The following SATB2 variants were observed in gnomAD, a reference collection of about 807,000 sequenced individuals.
SATB2 encodes the protein DNA-binding protein SATB2.
Under a neutral mutation model 73.4 loss-of-function variants are expected in SATB2, and 1 was observed. That is an observed-to-expected ratio of 0.01 (90% confidence interval 0.00 to 0.06). The LOEUF (loss-of-function observed/expected upper bound fraction) is 0.06. Ranked by LOEUF, SATB2 falls within the 10% of genes least tolerant of loss-of-function variation. The pLI is 1.00. For synonymous variants in SATB2, 397 were observed against 367.0 expected, an observed-to-expected ratio of 1.08 and a Z score of -0.93; for missense variants, 459 against 945.8, an observed-to-expected ratio of 0.49 and a Z score of 6.75.
intron 9 of SATB2, among the ~76,000 whole-genome samples, chr2:199,319,872 C>T (rs1687837738): frequency 6.6e-6 from 1 of 151,888 alleles, no homozygotes; most frequent in South Asian, 2.1e-4. Context: ...CAATCAGTGT[C>T]TGGGAAATGG....
chr2:199,445,933 GCTTT>G (rs1451904615), intron 2 of SATB2, among the ~76,000 whole-genome samples: 2 of 152,128 alleles, frequency 1.3e-5, no homozygotes, highest in Non-Finnish European at 1.5e-5. Context: ...TTTCTTTAGT[GCTTT>G]CTAATTTCCC....
rs1042543339 is a variant in SATB2 at position 199,397,884 on chromosome 2, A to C, written c.347-16064T>G. The C allele has an allele frequency of 4.4e-5, 13 of 292,298 alleles. No homozygotes were observed. In the Admixed American group the frequency reaches 5.8e-4, roughly 13 times the overall value. 18.1% of individuals were successfully genotyped at this position (292,298 alleles called of 1,614,324 possible). A position where few individuals can be genotyped will look rare whatever the true frequency, so the allele number is the denominator to read the frequency against. ...CTGTCTCAAAAACAAACAAACAAAC[A>C]AAACAGAAAGATATTTGAAAGACAG... On this transcript the variant is annotated intron_variant, in intron 3 of 10. Transcript: ENST00000417098.
chr2:199,365,565 C>T (rs1266020898), intron 6 of SATB2, among the ~76,000 whole-genome samples: 1 of 152,126 alleles, frequency 6.6e-6, no homozygotes, highest in African/African-American at 2.4e-5. Context: ...ATAAAGTTAA[C>T]ATGCTAAGCC....
At chr2:199,335,784 T>C (rs1283897834) in intron 7 of SATB2, among the ~76,000 whole-genome samples, 3 of 152,226 alleles carry the variant, frequency 2.0e-5, no homozygotes, top group Non-Finnish European at 2.9e-5. Flanking sequence ...TTTTGGGTCA[T>C]GCAAACTTCA....
At chr2:199,400,235 C>T (rs1690431122) in intron 3 of SATB2, among the ~76,000 whole-genome samples, 1 of 152,186 alleles carries the variant, frequency 6.6e-6, no homozygotes, top group South Asian at 2.1e-4. Context: ...GCAGGCTACT[C>T]AATAGAGCTC....
chr2:199,454,932 T>C (rs975222506), intron 2 of SATB2, among the ~76,000 whole-genome samples: 1 of 152,138 alleles, frequency 6.6e-6, no homozygotes, highest in Non-Finnish European at 1.5e-5. Flanking sequence ...ACTGTTGAAA[T>C]TATTAGAGAA....
chr2:199,371,105 A>T (rs1461946180), intron 5 of SATB2, among the ~76,000 whole-genome samples: 10 of 152,188 alleles, frequency 6.6e-5, no homozygotes, highest in Admixed American at 6.5e-4. Flanking sequence ...ACTGATAAGA[A>T]TTGTTATAGT....
At chr2:199,470,117 C>A (rs1182425823) in intron 1 of SATB2, 1 of 152,390 alleles carries the variant, frequency 6.6e-6, no homozygotes, top group Non-Finnish European at 1.5e-5. Flanking sequence ...TGGGAAGACA[C>A]CAGTCTCTGT....
At chr2:199,348,436 CAA>C in intron 7 of SATB2, 1 of 465,986 alleles carries the variant, frequency 2.1e-6, no homozygotes, top group Non-Finnish European at 3.9e-6. Context: ...AGTACATACC[CAA>C]GTCATTAGTA....
rs1361297597 is a variant in SATB2, at chr2:199,456,005, C to T, written c.33G>A (p.Arg11=). 5.2e-6 allele frequency: 8 copies of T among 1,544,392 alleles called. No individual in the cohort carries two copies. Among genetic ancestry groups the T allele is most frequent in the Non-Finnish European group, 7.0e-6 (8 of 1,150,122 alleles). Residue 11 remains arginine (R), a synonymous_variant, in exon 2 of 11, where the codon CGG becomes CGA. Coordinates refer to ENST00000417098, the MANE Select transcript of SATB2 (RefSeq NM_001172509.2). Reference sequence around the variant, plus strand: ...TGCCGCTCCGCCGGTCGGGGCTGTCCCGCAGACACGGGCTCTCGCTCCGCC... The same window carrying T: ...TGCCGCTCCGCCGGTCGGGGCTGTCTCGCAGACACGGGCTCTCGCTCCGCC... MERRSESPCL[R]DSPDRRSGSP... is the part of the protein sequence containing the mutation.
chr2:199,425,848 G>T (rs1691310372), intron 3 of SATB2, among the ~76,000 whole-genome samples: 1 of 152,112 alleles, frequency 6.6e-6, no homozygotes, highest in Non-Finnish European at 1.5e-5. Flanking sequence ...TAGTATTTCA[G>T]GTTTCACTGT....
At position 199,327,487 on chromosome 2, in the gene SATB2, A is replaced by C. The variant is rs1372968141; in HGVS notation, c.1386+1211T>G. 2.0e-5 allele frequency among the ~76,000 whole-genome samples: 3 copies of C among 152,150 alleles called. No homozygotes were observed. The South Asian group carries it at 6.2e-4, about 32-fold the overall frequency. On this transcript the variant is annotated intron_variant, in intron 8 of 10. Transcript: ENST00000417098. Reference sequence around the variant, plus strand: ...ATACCTGTTAAATACTGGTTTTGAGAATTAGCACTCAGACAGAACCTGCAA... The same window carrying C: ...ATACCTGTTAAATACTGGTTTTGAGCATTAGCACTCAGACAGAACCTGCAA...
At chr2:199,407,914 TTCAC>T (rs1574599093) in intron 3 of SATB2, among the ~76,000 whole-genome samples, 1 of 152,090 alleles carries the variant, frequency 6.6e-6, no homozygotes, top group African/African-American at 2.4e-5. Context: ...AAGTAATATT[TTCAC>T]TCAAAGTTCA....
At chr2:199,333,173 C>A (rs559198662) in intron 7 of SATB2, among the ~76,000 whole-genome samples, 21 of 151,650 alleles carry the variant, frequency 1.4e-4, no homozygotes, top group Admixed American at 4.0e-4. Flanking sequence ...AAAAACAGAT[C>A]AGTCTATTAA....
chr2:199,434,645 G>A (rs936643230), intron 2 of SATB2, among the ~76,000 whole-genome samples: 1 of 152,098 alleles, frequency 6.6e-6, no homozygotes, highest in Admixed American at 6.5e-5. Flanking sequence ...GCAGACGGGG[G>A]AGGTAGAAAG....
chr2:199,339,234 G>C (rs1688433022), intron 7 of SATB2, among the ~76,000 whole-genome samples: 1 of 152,118 alleles, frequency 6.6e-6, no homozygotes, highest in Non-Finnish European at 1.5e-5. Context: ...ACAACAGATA[G>C]TCTTATATGT....
intron 3 of SATB2, among the ~76,000 whole-genome samples, chr2:199,418,353 G>C (rs574526548): frequency 1.4e-4 from 21 of 152,198 alleles, no homozygotes; most frequent in South Asian, 1.2e-3. Context: ...CAGAACTAGA[G>C]GGCCAACGAT....
intron 10 of SATB2, among the ~76,000 whole-genome samples, chr2:199,284,218 T>C (rs6758846): frequency 0.13 from 20,432 of 152,226 alleles, 1,590 homozygotes; most frequent in African/African-American, 0.19. Context: ...TGGTTTTGCT[T>C]TTAAATATGT....
intron 2 of SATB2, among the ~76,000 whole-genome samples, chr2:199,434,442 C>CT (rs908319076): frequency 5.9e-5 from 9 of 151,460 alleles, no homozygotes; most frequent in African/African-American, 1.9e-4. Flanking sequence ...TTTTTTTAAA[C>CT]TTTTTTTTTA....
Sources: allele counts gnomAD v4.1 joint callset (sites outside exome capture counted in the v4.1 genomes callset), GRCh38; gene constraint gnomAD v4.1.1; transcripts MANE v1.5; gene names NCBI Gene and HGNC (gene_info 2026-07-23, HGNC 2026-07-21).